The following XPO7 variants were observed in gnomAD, a reference collection of about 807,000 sequenced individuals.
XPO7 encodes the protein exportin-7.
In XPO7, 21 loss-of-function variants were observed where a neutral mutation model predicts 144.3. The ratio of observed to expected loss-of-function variants is 0.15; its 90% confidence interval spans 0.10 to 0.21. The LOEUF (loss-of-function observed/expected upper bound fraction) is 0.21, where lower values mean the gene tolerates loss of function less well. Among genes scored for constraint, XPO7 ranks in the 10% least tolerant of loss-of-function variants. The pLI is 1.00. For missense variants in XPO7, 808 were observed against 1,325.8 expected (o/e 0.61, Z 6.06); for synonymous variants, 580 against 499.6 (o/e 1.16, Z -2.15).
At chr8:21,922,331 A>G (rs1563305753) in intron 1 of XPO7, among the ~76,000 whole-genome samples, 1 of 152,140 alleles carries the variant, frequency 6.6e-6, no homozygotes, top group Non-Finnish European at 1.5e-5. Flanking sequence ...GAAAATTATA[A>G]TATTTGGATT....
Position 21,987,288 on chromosome 8 carries a change from T to G in XPO7, c.1713+12T>G. 6.2e-7 allele frequency: 1 copy of G among 1,613,894 alleles called. No individual in the cohort carries two copies. ...AGAAATCCTCTAAGGTAACAGCCTCTCAATTGGCTCCCCTTAGTTCTCACT... is the reference window on the plus strand; with the variant it reads ...AGAAATCCTCTAAGGTAACAGCCTCGCAATTGGCTCCCCTTAGTTCTCACT... On this transcript the variant is annotated intron_variant, in intron 14 of 27. Coordinates refer to ENST00000252512, the MANE Select transcript of XPO7 (RefSeq NM_015024.5).
chr8:21,942,872 T>C (rs1225111599), intron 1 of XPO7, among the ~76,000 whole-genome samples: 1 of 152,272 alleles, frequency 6.6e-6, no homozygotes, highest in East Asian at 1.9e-4. Flanking sequence ...AGGGCAGTCT[T>C]ACTTTAAACT....
At chr8:21,992,014 T>C in intron 19 of XPO7, 40 bp downstream of exon 19, 1 of 1,519,352 alleles carries the variant, frequency 6.6e-7, no homozygotes, top group Non-Finnish European at 9.1e-7. Flanking sequence ...CAGCTTCTGG[T>C]TTAGGGCAGT....
chr8:21,939,325 G>T (rs749616414), intron 1 of XPO7, among the ~76,000 whole-genome samples: 1 of 151,644 alleles, frequency 6.6e-6, no homozygotes, highest in Non-Finnish European at 1.5e-5. Flanking sequence ...AGGTTAAAGC[G>T]ATTCTGCTGC....
intron 1 of XPO7, among the ~76,000 whole-genome samples, chr8:21,942,624 GC>G (rs1290951397): frequency 1.3e-5 from 2 of 152,300 alleles, no homozygotes; most frequent in African/African-American, 4.8e-5. Context: ...TATTTCAATA[GC>G]CTTTTAGATA....
At chr8:21,976,169 G>A (rs1013030035) in intron 6 of XPO7, among the ~76,000 whole-genome samples, 187 bp from the exon 7 acceptor site, 1 of 152,160 alleles carries the variant, frequency 6.6e-6, no homozygotes, top group African/African-American at 2.4e-5. Flanking sequence ...TGTTTTAATA[G>A]TATATAAGGA....
chr8:22,002,574 GAGC>G (rs1813187982), intron 25 of XPO7, among the ~76,000 whole-genome samples: 1 of 152,126 alleles, frequency 6.6e-6, no homozygotes, highest in Non-Finnish European at 1.5e-5. Flanking sequence ...GCTATAAATA[GAGC>G]AGGAGTTAGC....
intron 15 of XPO7, 62 bp from the exon 16 acceptor site, chr8:21,988,941 C>T: frequency 6.7e-7 from 1 of 1,490,706 alleles, no homozygotes; most frequent in South Asian, 1.2e-5. Flanking sequence ...CTTCTCCCAG[C>T]CCTCAAGGAA....
intron 1 of XPO7, among the ~76,000 whole-genome samples, chr8:21,925,505 A>G (rs1810430874): frequency 6.6e-6 from 1 of 152,206 alleles, no homozygotes; most frequent in South Asian, 2.1e-4. Flanking sequence ...AAGACTGGAG[A>G]ACTCGCTGTT....
intron 1 of XPO7, 103 bp downstream of exon 1, chr8:21,919,891 GC>G: frequency 3.6e-6 from 1 of 279,822 alleles, no homozygotes; most frequent in Non-Finnish European, 6.9e-6. Context: ...GACTCGGCAG[GC>G]CCGCGCCGCC....
chr8:22,002,374 A>G, intron 25 of XPO7, 102 bp downstream of exon 25: 1 of 1,372,700 alleles, frequency 7.3e-7, no homozygotes, highest in Non-Finnish European at 9.8e-7. Context: ...ACATCTCATC[A>G]GGTTCCTGCT....
At chr8:21,935,609 G>A (rs565948009) in intron 1 of XPO7, among the ~76,000 whole-genome samples, 76 of 152,244 alleles carry the variant, frequency 5.0e-4, no homozygotes, top group African/African-American at 1.6e-3. Flanking sequence ...ACTTTAAGAC[G>A]AATTTGTTTT....
Position 21,991,108 on chromosome 8 carries a change from T to G in XPO7, c.2041+189T>G, listed in dbSNP as rs114022885. 3.9e-3 allele frequency among the ~76,000 whole-genome samples: 597 copies of G among 152,240 alleles called. 3 individuals carry two copies. The highest frequency in any genetic ancestry group is 0.014 in the African/African-American group (577 of 41,546). On this transcript the variant is annotated intron_variant, in intron 18 of 27. Transcript: ENST00000252512. ...CGAGGTCCTTATAACTGGAAGAGAGTAACAGTCTGCTCCTGAAGTTTTCAT... is the reference window on the plus strand; with the variant it reads ...CGAGGTCCTTATAACTGGAAGAGAGGAACAGTCTGCTCCTGAAGTTTTCAT...
At chr8:21,999,737 A>G in intron 24 of XPO7, 63 bp downstream of exon 24, 6 of 1,598,742 alleles carry the variant, frequency 3.8e-6, no homozygotes, top group Non-Finnish European at 8.5e-7. Context: ...ACTAAACAGA[A>G]AGAGAGAATC....
At chr8:21,970,969 AC>A (rs1812041577) in intron 4 of XPO7, among the ~76,000 whole-genome samples, 1 of 152,164 alleles carries the variant, frequency 6.6e-6, no homozygotes, top group Non-Finnish European at 1.5e-5. Context: ...TCACTGACTC[AC>A]CCAGAACAAC....
At chr8:21,971,523 T>G (rs570897242) in intron 4 of XPO7, among the ~76,000 whole-genome samples, 54 of 152,238 alleles carry the variant, frequency 3.5e-4, no homozygotes, top group Non-Finnish European at 6.6e-4. Context: ...GATTCTTTGC[T>G]TATTGTTTTA....
At chr8:21,977,992 G>A in intron 8 of XPO7, 149 bp downstream of exon 8, 1 of 705,548 alleles carries the variant, frequency 1.4e-6, no homozygotes, top group Non-Finnish European at 2.3e-6. Flanking sequence ...GATTAAGCTT[G>A]TAGCCTAAAG....
At chr8:21,995,726 G>C (rs1812925349) in intron 21 of XPO7, 127 bp downstream of exon 21, 2 of 627,466 alleles carry the variant, frequency 3.2e-6, no homozygotes, top group African/African-American at 3.7e-5. Flanking sequence ...AATTCGAAAA[G>C]TTTTTGTGTT....
intron 1 of XPO7, among the ~76,000 whole-genome samples, chr8:21,926,619 C>G (rs1337526843): frequency 7.7e-6 from 1 of 130,170 alleles, no homozygotes; most frequent in Non-Finnish European, 1.8e-5. Flanking sequence ...TTCTGTCTTC[C>G]AAAAAGACGT....
Sources: allele counts gnomAD v4.1 joint callset (sites outside exome capture counted in the v4.1 genomes callset), GRCh38; gene constraint gnomAD v4.1.1; transcripts MANE v1.5; gene names NCBI Gene and HGNC (gene_info 2026-07-23, HGNC 2026-07-21).